The following ZNF277 variants were observed in gnomAD, a reference collection of about 807,000 sequenced individuals.
The protein encoded by ZNF277 is zinc finger protein 277, also known as nuclear receptor-interacting factor 4.
ZNF277 carries 55 observed loss-of-function variants against 60.7 expected under a neutral mutation model. The observed-to-expected ratio is 0.91, with a 90% confidence interval of 0.73 to 1.13. The LOEUF (loss-of-function observed/expected upper bound fraction) is 1.13. Ranked by LOEUF, ZNF277 falls within the 50% of genes most tolerant of loss-of-function variation. The pLI, the probability that ZNF277 is intolerant of heterozygous loss-of-function variation, is 0.00. For missense variants in ZNF277, 510 were observed against 523.0 expected, an observed-to-expected ratio of 0.98 and a Z score of 0.24; for synonymous variants, 178 against 179.3, an observed-to-expected ratio of 0.99 and a Z score of 0.06.
At chr7:112,313,926 G>A (rs1792785382) in intron 4 of ZNF277, among the ~76,000 whole-genome samples, 1 of 152,094 alleles carries the variant, frequency 6.6e-6, no homozygotes, top group African/African-American at 2.4e-5. Context: ...TATAAATGTA[G>A]TCATCATGTA....
chr7:112,290,623 C>T (rs570701545), intron 2 of ZNF277, among the ~76,000 whole-genome samples: 2 of 152,256 alleles, frequency 1.3e-5, no homozygotes, highest in African/African-American at 2.4e-5. Context: ...GTAAAATTTT[C>T]ACTCTCAGCA....
At chr7:112,224,320 A>G (rs1224214242) in intron 1 of ZNF277, among the ~76,000 whole-genome samples, 1 of 152,244 alleles carries the variant, frequency 6.6e-6, no homozygotes, top group Non-Finnish European at 1.5e-5. Context: ...CAAATTTCAT[A>G]ATGTTTTAAG....
In ZNF277 at chr7:112,330,475, T is replaced by A. The variant is rs1306557509; in HGVS notation, c.801+259T>A. ...TCATCTTGACCAAAAAAAAAAAAAA[T>A]ACAGCATTTGGATATCCACATACCA... On this transcript the variant is annotated intron_variant, in intron 7 of 11. Coordinates refer to ENST00000361822, the MANE Select transcript of ZNF277 (RefSeq NM_021994.3). 95 of 426,292 alleles carry A rather than the reference T, an allele frequency of 2.2e-4. No individual in the cohort carries two copies. The East Asian group carries it at 3.3e-3, about 15-fold the overall frequency. 26.4% of individuals were successfully genotyped at this position (426,292 alleles called of 1,614,324 possible).
chr7:112,236,821 A>G (rs1442037048), intron 1 of ZNF277, among the ~76,000 whole-genome samples: 1 of 152,168 alleles, frequency 6.6e-6, no homozygotes, highest in Non-Finnish European at 1.5e-5. Context: ...TAGACAGATC[A>G]TCCAGACAGA....
chr7:112,286,347 G>A lies in ZNF277; in HGVS notation c.92-526G>A, dbSNP rs185044597. Among the ~76,000 whole-genome samples, 194 of 152,306 alleles carry A rather than the reference G, an allele frequency of 1.3e-3. 2 individuals carry two copies. The highest frequency in any genetic ancestry group is 1.5e-3 in the Non-Finnish European group (105 of 68,024). ...CCAGCACATACTGTGTCTACCCAGC[G>A]TGAGAGCTTTGTTCTTGTTTGTGAC... On this transcript the variant is annotated intron_variant, in intron 1 of 11. Transcript: ENST00000361822.
At chr7:112,335,690 T>C (rs926559183) in intron 7 of ZNF277, among the ~76,000 whole-genome samples, 1 of 152,116 alleles carries the variant, frequency 6.6e-6, no homozygotes, top group Non-Finnish European at 1.5e-5. Flanking sequence ...CTAATTCAAC[T>C]CAAAAAATAG....
chr7:112,285,662 C>G (rs955628766), intron 1 of ZNF277, among the ~76,000 whole-genome samples: 2 of 151,192 alleles, frequency 1.3e-5, no homozygotes, highest in African/African-American at 4.9e-5. Context: ...TCTCAAACTC[C>G]TAACCTCATG....
At chr7:112,325,312 G>A (rs1358915886) in intron 5 of ZNF277, among the ~76,000 whole-genome samples, 1 of 152,108 alleles carries the variant, frequency 6.6e-6, no homozygotes, top group Non-Finnish European at 1.5e-5. Context: ...TTCAGAGCAT[G>A]GGACCAAGTG....
At chr7:112,232,731 C>T (rs1283714705) in intron 1 of ZNF277, among the ~76,000 whole-genome samples, 3 of 152,112 alleles carry the variant, frequency 2.0e-5, no homozygotes, top group African/African-American at 7.2e-5. Flanking sequence ...TGGTGGTGCA[C>T]GTCCTATCCC....
chr7:112,255,234 A>C (rs1791282201), intron 1 of ZNF277, among the ~76,000 whole-genome samples: 1 of 152,212 alleles, frequency 6.6e-6, no homozygotes, highest in South Asian at 2.1e-4. Context: ...ACAGTAAAAA[A>C]AGTGATTTTT....
chr7:112,313,190 C>T (rs904013388), intron 4 of ZNF277, among the ~76,000 whole-genome samples: 3 of 151,976 alleles, frequency 2.0e-5, no homozygotes, highest in African/African-American at 7.2e-5. Flanking sequence ...ATCACTAATT[C>T]GTTTCCTTAT....
At chr7:112,226,037 T>G (rs1004478826) in intron 1 of ZNF277, among the ~76,000 whole-genome samples, 1 of 152,166 alleles carries the variant, frequency 6.6e-6, no homozygotes, top group Non-Finnish European at 1.5e-5. Context: ...TATCACAACT[T>G]TTTTCTCAAA....
At chr7:112,306,243 C>T (rs1184972377) in intron 4 of ZNF277, among the ~76,000 whole-genome samples, 3 of 130,054 alleles carry the variant, frequency 2.3e-5, no homozygotes, top group Non-Finnish European at 3.1e-5. Flanking sequence ...GAGATGGAGT[C>T]TCGCTCTGTC....
At chr7:112,325,018 A>G (rs191431347) in intron 5 of ZNF277, among the ~76,000 whole-genome samples, 2 of 152,282 alleles carry the variant, frequency 1.3e-5, no homozygotes, top group South Asian at 2.1e-4. Flanking sequence ...GCTGATTCAC[A>G]TACTAATCTC....
intron 4 of ZNF277, among the ~76,000 whole-genome samples, chr7:112,313,915 G>T (rs539706141): frequency 1.3e-5 from 2 of 152,032 alleles, no homozygotes; most frequent in Non-Finnish European, 1.5e-5. Flanking sequence ...TGCACCTCGG[G>T]TATAAATGTA....
intron 1 of ZNF277, among the ~76,000 whole-genome samples, chr7:112,266,611 A>T (rs994118762): frequency 6.6e-6 from 1 of 152,148 alleles, no homozygotes; most frequent in Non-Finnish European, 1.5e-5. Context: ...TTCAGATAAG[A>T]TACTGAAAGA....
chr7:112,243,531 A>G (rs1049747218), intron 1 of ZNF277, among the ~76,000 whole-genome samples: 6 of 151,808 alleles, frequency 4.0e-5, no homozygotes, highest in Middle Eastern at 3.4e-3. Context: ...GGACATAGAC[A>G]TTTTTCAAAA....
At chr7:112,209,679 T>C in intron 1 of ZNF277, among the ~76,000 whole-genome samples, 1 of 152,236 alleles carries the variant, frequency 6.6e-6, no homozygotes, top group East Asian at 1.9e-4. Flanking sequence ...TGTATCATTC[T>C]GTTACTTTTT....
intron 4 of ZNF277, among the ~76,000 whole-genome samples, chr7:112,297,624 C>G (rs534045545): frequency 6.6e-6 from 1 of 152,254 alleles, no homozygotes; most frequent in East Asian, 1.9e-4. Flanking sequence ...ACAACAACTG[C>G]AGTAAAGAAA....
Sources: allele counts gnomAD v4.1 joint callset (sites outside exome capture counted in the v4.1 genomes callset), GRCh38; gene constraint gnomAD v4.1.1; transcripts MANE v1.5; gene names NCBI Gene and HGNC (gene_info 2026-07-23, HGNC 2026-07-21).